The following GRIK3 variants were observed in gnomAD, a reference collection of about 807,000 sequenced individuals.
GRIK3 encodes the protein glutamate receptor ionotropic, kainate 3.
In GRIK3, 29 loss-of-function variants were observed where a neutral mutation model predicts 102.5. The observed-to-expected ratio is 0.28, with a 90% CI of 0.21 to 0.39. The LOEUF (loss-of-function observed/expected upper bound fraction) is 0.39. Among genes scored for constraint, GRIK3 ranks in the 10% least tolerant of loss-of-function variants. GRIK3 has a pLI of 1.00. For synonymous variants in GRIK3, 511 were observed against 504.9 expected (o/e 1.01, Z -0.16); for missense variants, 908 against 1,252.4 (o/e 0.73, Z 4.15).
At chr1:37,018,017 A>G (rs1570868774) in intron 1 of GRIK3, among the ~76,000 whole-genome samples, 1 of 152,174 alleles carries the variant, frequency 6.6e-6, no homozygotes, top group Non-Finnish European at 1.5e-5. Flanking sequence ...ACGCTTGTGC[A>G]GAAACTGATT....
At chr1:37,011,289 A>G (rs1332856282) in intron 1 of GRIK3, among the ~76,000 whole-genome samples, 1 of 152,198 alleles carries the variant, frequency 6.6e-6, no homozygotes, top group Non-Finnish European at 1.5e-5. Context: ...TGACAGTGAA[A>G]TGAGATGATG....
intron 1 of GRIK3, among the ~76,000 whole-genome samples, chr1:37,002,275 G>T (rs1012626190): frequency 6.6e-6 from 1 of 152,146 alleles, no homozygotes. Flanking sequence ...TTACTGGTTG[G>T]GCATATAGTC....
At chr1:36,860,136 A>C (rs1640705715) in intron 5 of GRIK3, 119 bp from the exon 6 acceptor site, 6 of 724,746 alleles carry the variant, frequency 8.3e-6, no homozygotes, top group Non-Finnish European at 2.3e-6. Flanking sequence ...GCTCCCTGCA[A>C]AGCCCTGCAG....
At chr1:36,929,119 C>A (rs1641560984) in intron 1 of GRIK3, among the ~76,000 whole-genome samples, 1 of 152,134 alleles carries the variant, frequency 6.6e-6, no homozygotes, top group African/African-American at 2.4e-5. Flanking sequence ...TGCCCAAGGT[C>A]ACCTAGCTTG....
At chr1:37,018,463 C>T (rs1038522400) in intron 1 of GRIK3, among the ~76,000 whole-genome samples, 4 of 152,222 alleles carry the variant, frequency 2.6e-5, no homozygotes, top group South Asian at 2.1e-4. Flanking sequence ...GATGGCCACT[C>T]CCACCTGCAT....
intron 10 of GRIK3, among the ~76,000 whole-genome samples, chr1:36,836,983 C>A (rs966668941): frequency 1.1e-4 from 16 of 152,090 alleles, no homozygotes; most frequent in African/African-American, 3.9e-4. Flanking sequence ...CACTGACCCT[C>A]CCCCCCTTTC....
At chr1:36,822,738 T>C (rs1642709523) in intron 11 of GRIK3, among the ~76,000 whole-genome samples, 1 of 152,172 alleles carries the variant, frequency 6.6e-6, no homozygotes, top group Admixed American at 6.5e-5. Flanking sequence ...GGCTGCAATG[T>C]GGCCCCCAGG....
intron 1 of GRIK3, among the ~76,000 whole-genome samples, chr1:37,033,374 C>T (rs1396870088): frequency 2.0e-5 from 3 of 152,190 alleles, no homozygotes; most frequent in African/African-American, 7.2e-5. Context: ...GGAGAGAGGC[C>T]TTGGCCCCGA....
chr1:36,962,217 C>T (rs1397312050), intron 1 of GRIK3, among the ~76,000 whole-genome samples: 2 of 152,302 alleles, frequency 1.3e-5, no homozygotes, highest in East Asian at 3.9e-4. Flanking sequence ...AGCTTCTCCT[C>T]TTCTACTAGA....
At chr1:36,995,894 G>A (rs150659354) in intron 1 of GRIK3, among the ~76,000 whole-genome samples, 7 of 152,268 alleles carry the variant, frequency 4.6e-5, no homozygotes, top group African/African-American at 1.2e-4. Flanking sequence ...TTCACCAGCC[G>A]CCTTCTTGGC....
chr1:36,817,179 C>T lies in GRIK3; in HGVS notation c.1972G>A (p.Ala658Thr). ...IIISSYTANL[A>T]AFLTVERMES... ...ATGCGCTCCACGGTCAGAAAGGCAG[C>T]CAGGTTGGCCGTGTAGGAAGAGATG... Residue 658 changes from alanine to threonine, a missense_variant, in exon 13 of 16, where the codon GCT (alanine) becomes ACT (threonine). Ala to Thr is a moderately conservative substitution (Grantham distance 58, BLOSUM62 0). This residue lies in a region of GRIK3 where 297 missense variants were observed against 362.7 expected (regional missense o/e 0.82). Transcript: ENST00000373091. 2 of 1,613,966 alleles carry T rather than the reference C, an allele frequency of 1.2e-6. No individual in the cohort carries two copies. Among genetic ancestry groups the T allele is most frequent in the Admixed American group, 3.3e-5 (2 of 60,008 alleles).
At position 36,927,158 on chromosome 1, in the gene GRIK3, G is replaced by A. The variant is rs573842822; in HGVS notation, c.116-36062C>T. ...GAACACTAAGAGGGAGGCTCCAGGG[G>A]AGACAGAGACCCTCGTTCAAGAGCT... On this transcript the variant is annotated intron_variant, in intron 1 of 15. Coordinates refer to ENST00000373091, the MANE Select transcript of GRIK3 (RefSeq NM_000831.4). 1.1e-4 allele frequency among the ~76,000 whole-genome samples: 17 copies of A among 152,332 alleles called. No homozygotes were observed. In the South Asian group the frequency reaches 3.5e-3, roughly 32 times the overall value.
chr1:36,926,081 G>A (rs780272892), intron 1 of GRIK3, among the ~76,000 whole-genome samples: 2 of 152,188 alleles, frequency 1.3e-5, no homozygotes, highest in African/African-American at 4.8e-5. Context: ...TGGTCATCAG[G>A]ACCATTTTCT....
At chr1:36,930,943 TG>T (rs1322723305) in intron 1 of GRIK3, among the ~76,000 whole-genome samples, 3 of 152,214 alleles carry the variant, frequency 2.0e-5, no homozygotes, top group Non-Finnish European at 4.4e-5. Flanking sequence ...GCTGAGTGTA[TG>T]CTCCTGAGAT....
At position 36,860,657 on chromosome 1, in the gene GRIK3, C is replaced by T. The variant is rs1354721019; in HGVS notation, c.787-640G>A. ...TCAACGCAGGTGAGGCTGGCTGTAGCCCCGCCCTGCAGCTCTGGGTCTGGG... is the reference window on the plus strand; with the variant it reads ...TCAACGCAGGTGAGGCTGGCTGTAGTCCCGCCCTGCAGCTCTGGGTCTGGG... On this transcript the variant is annotated intron_variant, in intron 5 of 15. Coordinates refer to ENST00000373091, the MANE Select transcript of GRIK3 (RefSeq NM_000831.4). 4.6e-5 allele frequency among the ~76,000 whole-genome samples: 7 copies of T among 152,134 alleles called. No homozygotes were observed. The East Asian group carries it at 1.4e-3, about 29-fold the overall frequency.
rs984353520 is a variant in GRIK3 at position 36,880,787 on chromosome 1, T to A, written c.397A>T (p.Ile133Phe). 1.2e-6 allele frequency: 2 copies of A among 1,614,046 alleles called. No homozygotes were observed. Among genetic ancestry groups the A allele is most frequent in the African/African-American group, 1.3e-5 (1 of 75,022 alleles). The change falls in exon 3 of 16, where the codon ATC (isoleucine) becomes TTC (phenylalanine). Residue 133 changes from isoleucine (I) to phenylalanine (F), a missense_variant. Ile to Phe is a conservative substitution (Grantham distance 21). This residue lies in a region of GRIK3 where 585 missense variants were observed against 824.9 expected (regional missense o/e 0.71). Coordinates refer to ENST00000373091, the MANE Select transcript of GRIK3 (RefSeq NM_000831.4). This position sits in a 1 kb window ranked among gnomAD's most constrained non-coding sequence, Gnocchi z 5.4. ...GGGTGGTGCTTCCAACGCAGCTGGA[T>A]GTGGGGCACCTCCAGGGCATTGCAG... ...SICNALEVPH[I>F]QLRWKHHPLD...
intron 1 of GRIK3, among the ~76,000 whole-genome samples, chr1:36,924,696 C>T (rs750756717): frequency 4.6e-5 from 7 of 152,146 alleles, no homozygotes; most frequent in Non-Finnish European, 7.4e-5. Context: ...TTCCAGAGGC[C>T]GTGCTCAAGC....
intron 4 of GRIK3, 51 bp from the exon 5 acceptor site, chr1:36,869,852 T>G: frequency 1.5e-6 from 2 of 1,347,154 alleles, no homozygotes; most frequent in Non-Finnish European, 2.1e-6. Flanking sequence ...TGGGCAGCCC[T>G]CCCCACATCC....
At chr1:36,963,909 C>T (rs1642053349) in intron 1 of GRIK3, among the ~76,000 whole-genome samples, 2 of 152,174 alleles carry the variant, frequency 1.3e-5, no homozygotes, top group South Asian at 4.1e-4. Flanking sequence ...AGATTGTTTC[C>T]ATTTGTCCAT....
Sources: gnomAD v4.1 joint callset for allele counts (sites outside exome capture counted in the v4.1 genomes callset) on GRCh38, gnomAD v4.1.1 for gene constraint, gnomAD v4.1.1 regional missense constraint, Gnocchi (gnomAD v3.1) non-coding constraint, MANE v1.5 for transcripts, NCBI Gene and HGNC (gene_info 2026-07-23, HGNC 2026-07-21) for gene names.